Variants in CEP170B observed in about 807,000 individuals in gnomAD.
CEP170B encodes the protein centrosomal protein 170B.
CEP170B carries 55 observed loss-of-function variants against 120.6 expected under a neutral mutation model. That is an observed-to-expected ratio of 0.46 (90% confidence interval 0.37 to 0.57). CEP170B has a LOEUF of 0.57. CEP170B is among the 20% of genes least tolerant of loss of function. The pLI, the probability that CEP170B is intolerant of heterozygous loss-of-function variation, is 0.00. For synonymous variants in CEP170B, 1,033 were observed against 954.5 expected (o/e 1.08, Z -1.52); for missense variants, 2,212 against 2,253.3 (o/e 0.98, Z 0.37).
intron 13 of CEP170B, among the ~76,000 whole-genome samples, chr14:104,892,441 ATCTGCCCAGCCCCACCC>A (rs11270835): frequency 0.065 from 9,861 of 151,790 alleles, 475 homozygotes; most frequent in African/African-American, 0.13. Flanking sequence ...CCCTCTCTGG[ATCTGCCCAGCCCCACCC>A]TCTGCCCAGC....
chr14:104,888,055 G>A, intron 12 of CEP170B, 77 bp downstream of exon 12: 2 of 1,389,706 alleles, frequency 1.4e-6, no homozygotes, highest in Non-Finnish European at 1.9e-6. Flanking sequence ...GATGCCAGCT[G>A]AGTGCTGGCC....
intron 13 of CEP170B, 136 bp downstream of exon 13, chr14:104,889,894 A>C (rs1053984586): frequency 3.5e-5 from 27 of 762,848 alleles, no homozygotes; most frequent in East Asian, 1.8e-4. Context: ...GGCTGGCTGG[A>C]TGGATGGACA....
At chr14:104,881,683 C>A (rs556087584) in intron 6 of CEP170B, among the ~76,000 whole-genome samples, 1 of 152,134 alleles carries the variant, frequency 6.6e-6, no homozygotes, top group African/African-American at 2.4e-5. Context: ...TCCGTTAGAG[C>A]GAGGGCAGCA....
intron 2 of CEP170B, among the ~76,000 whole-genome samples, chr14:104,875,788 G>A (rs1595320503): frequency 6.6e-6 from 1 of 152,202 alleles, no homozygotes; most frequent in Non-Finnish European, 1.5e-5. Context: ...GTCCTGGGTG[G>A]GCTAGTGGCC....
At position 104,891,743 on chromosome 14, in the gene CEP170B, G is replaced by A. The variant is rs1896863235; in HGVS notation, c.3879-1233G>A. Among the ~76,000 whole-genome samples, 1 of 152,102 alleles carries A rather than the reference G, an allele frequency of 6.6e-6. No homozygotes were observed. ...TTTCTGGAGTTCTCTGCCTTCCATG[G>A]TGGGTGAGCTGGAGCATGCCATATG... On this transcript the variant is annotated intron_variant, in intron 13 of 18. Coordinates refer to ENST00000414716, the MANE Select transcript of CEP170B (RefSeq NM_001112726.3). This position sits in a 1 kb window ranked among gnomAD's most constrained non-coding sequence, Gnocchi z 4.3.
rs768674837 is a variant in CEP170B, at chr14:104,893,627, C to T, written c.4143C>T (p.Asp1381=). 1.6e-5 allele frequency: 25 copies of T among 1,596,708 alleles called. No homozygotes were observed. The highest frequency in any genetic ancestry group is 1.7e-4 in the Middle Eastern group (1 of 6,038). Residue 1381 remains aspartate, a synonymous_variant, in exon 15 of 19, where the codon GAC becomes GAT. Coordinates refer to ENST00000414716, the MANE Select transcript of CEP170B (RefSeq NM_001112726.3). ...AGAACATGAACGACAGCTGTGAGGA[C>T]GCCCTGGCCAACAAGACGCGGCCTC... ...FDQNMNDSCE[D]ALANKTRPRN...
Position 104,889,834 on chromosome 14 carries a change from C to T in CEP170B, c.3878+76C>T, listed in dbSNP as rs367554383. ...AGTGAGAGCACCCTGAGGGCAGGGA[C>T]CAGGCTGGGAGCTCCCTTCTTGAGT... On this transcript the variant is annotated intron_variant, in intron 13 of 18. Coordinates refer to ENST00000414716, the MANE Select transcript of CEP170B (RefSeq NM_001112726.3). 411 of 1,491,880 alleles carry T rather than the reference C, an allele frequency of 2.8e-4. 2 individuals are homozygous for T. In the African/African-American group the frequency reaches 5.2e-3, roughly 19 times the overall value. The allele number at this position is 1,491,880 out of a possible 1,614,324, so 92.4% of individuals were successfully genotyped here. A position where few individuals can be genotyped will look rare whatever the true frequency, so the allele number is the denominator to read the frequency against.
Position 104,889,674 on chromosome 14 carries a change from G to A in CEP170B, c.3794G>A (p.Gly1265Asp). 1.9e-6 allele frequency: 3 copies of A among 1,612,112 alleles called. No homozygotes were observed. Among genetic ancestry groups the A allele is most frequent in the Non-Finnish European group, 2.5e-6 (3 of 1,179,706 alleles). The change falls in exon 13 of 19, where the codon GGC becomes GAC. Residue 1265 changes from glycine to aspartate, a missense_variant. By Grantham distance (94) the Gly-to-Asp change is moderately conservative (BLOSUM62 -1). Coordinates refer to ENST00000414716, the MANE Select transcript of CEP170B (RefSeq NM_001112726.3). The stretch of plus-strand genomic sequence containing the variant: ...AGCCGGGCTCGTTCCCGGGCCCCCG[G>A]CCCCCGGGACACGGACGACGATGAG... ...SSSRARSRAP[G>D]PRDTDDDEEE...
At position 104,887,101 on chromosome 14, in the gene CEP170B, G is replaced by A. The variant is rs534659820; in HGVS notation, c.2862G>A (p.Ser954=). The A allele has an allele frequency of 5.0e-6, 8 of 1,611,230 alleles. No individual in the cohort carries two copies. Among genetic ancestry groups the A allele is most frequent in the East Asian group, 4.5e-5 (2 of 44,874 alleles). ...CGGAGGACGCCCTGTCTGGGGACTC[G>A]GACGTGGACACAGCCAGCACCGTCA... ...RPPEDALSGD[S]DVDTASTVSL... is the part of the protein sequence containing the mutation. The change falls in exon 12 of 19, where the codon TCG becomes TCA. Residue 954 remains serine (S), a synonymous_variant. Transcript: ENST00000414716.
At position 104,883,324 on chromosome 14, in the gene CEP170B, G is replaced by A; in HGVS notation, c.867G>A (p.Lys289=). ...TGAAGATCAAGGACCATATCACCAA[G>A]TTTTCCCTGCGCCAGCGGCGGCCCC... ...GKMKIKDHIT[K]FSLRQRRPPG... The change falls in exon 8 of 19, where the codon AAG becomes AAA. Residue 289 remains lysine (K), a synonymous_variant. Transcript: ENST00000414716. 6.2e-7 allele frequency: 1 copy of A among 1,612,098 alleles called. No individual in the cohort carries two copies. The highest frequency in any genetic ancestry group is 1.1e-5 in the South Asian group (1 of 90,988).
At chr14:104,879,736 C>A (rs1043174643) in intron 5 of CEP170B, among the ~76,000 whole-genome samples, 5 of 152,176 alleles carry the variant, frequency 3.3e-5, no homozygotes, top group Non-Finnish European at 5.9e-5. Flanking sequence ...CCCCGGTGTG[C>A]TGGCGACACG....
chr14:104,895,167 A>G lies in CEP170B; in HGVS notation c.*209A>G. On this transcript the variant is annotated 3_prime_UTR_variant, in exon 19 of 19. Coordinates refer to ENST00000414716, the MANE Select transcript of CEP170B (RefSeq NM_001112726.3). ...CCTGTCCAGCCCCATGGCCACCCCC[A>G]CCCCTGCCTCGCCCCCTACAGGCCT... 1 of 493,010 alleles carries G rather than the reference A, an allele frequency of 2.0e-6. No homozygotes were observed. Among genetic ancestry groups the G allele is most frequent in the Middle Eastern group, 5.2e-4 (1 of 1,932 alleles). 30.5% of individuals were successfully genotyped at this position (493,010 alleles called of 1,614,324 possible).
chr14:104,872,393 G>A lies in CEP170B; in HGVS notation c.105+3838G>A, dbSNP rs1254168837. Among the ~76,000 whole-genome samples, 339 of 102,950 alleles carry A rather than the reference G, an allele frequency of 3.3e-3. 19 individuals are homozygous for A. The highest frequency in any genetic ancestry group is 7.5e-3 in the African/African-American group (239 of 31,730). The allele number at this position is 102,950 out of a possible 152,430, so 67.5% of individuals were successfully genotyped here. A position where few individuals can be genotyped will look rare whatever the true frequency, so the allele number is the denominator to read the frequency against. On this transcript the variant is annotated intron_variant, in intron 2 of 18. Transcript: ENST00000414716. The stretch of plus-strand genomic sequence containing the variant: ...TGTGCCATGGGTGTGCATGTGTGCC[G>A]TGGGTGTGCGTGGGTGTGCCGTGGG...
At position 104,893,639 on chromosome 14, in the gene CEP170B, C is replaced by A. The variant is rs1398765329; in HGVS notation, c.4155C>A (p.Asn1385Lys). The A allele has an allele frequency of 1.3e-6, 2 of 1,593,210 alleles. No individual in the cohort carries two copies. Among genetic ancestry groups the A allele is most frequent in the Non-Finnish European group, 1.7e-6 (2 of 1,171,060 alleles). ...ACAGCTGTGAGGACGCCCTGGCCAA[C>A]AAGACGCGGCCTCGGAACCGAGAGG... Reference protein sequence around the residue: ...MNDSCEDALANKTRPRNREEV... With the variant: ...MNDSCEDALAKKTRPRNREEV... The change falls in exon 15 of 19, where the codon AAC becomes AAA. Residue 1385 changes from asparagine to lysine, a missense_variant. Transcript: ENST00000414716.
Position 104,886,566 on chromosome 14 carries a change from G to C in CEP170B, c.2327G>C (p.Gly776Ala). ...AGCAGACGCAGGAGCCCCCAGGAGG[G>C]GCCCACGTGGAGCAGGGGTCGGCGC... ...QDSRRRSPQE[G>A]PTWSRGRRSP... is the part of the protein sequence containing the mutation. Residue 776 changes from glycine to alanine, a missense_variant, in exon 12 of 19, where the codon GGG (glycine) becomes GCG (alanine). Transcript: ENST00000414716. 1 of 1,510,298 alleles carries C rather than the reference G, an allele frequency of 6.6e-7. No homozygotes were observed. The highest frequency in any genetic ancestry group is 8.8e-7 in the Non-Finnish European group (1 of 1,133,178). 93.6% of individuals were successfully genotyped at this position (1,510,298 alleles called of 1,614,324 possible).
In CEP170B at chr14:104,868,654, G is replaced by A. The variant is rs892635161; in HGVS notation, c.105+99G>A. ...CACCCCACTTGCTGCAGGCCACCCT[G>A]GCGAGGAGGCCGCCATGCAGCCCAG... On this transcript the variant is annotated intron_variant, in intron 2 of 18. Transcript: ENST00000414716. This position sits in a 1 kb window ranked among gnomAD's most constrained non-coding sequence, Gnocchi z 5.9. 3 of 1,168,672 alleles carry A rather than the reference G, an allele frequency of 2.6e-6. No homozygotes were observed. The African/African-American group carries it at 4.6e-5, about 18-fold the overall frequency. The allele number at this position is 1,168,672 out of a possible 1,614,324, so 72.4% of individuals were successfully genotyped here. A position where few individuals can be genotyped will look rare whatever the true frequency, so the allele number is the denominator to read the frequency against.
chr14:104,892,685 G>A (rs1426731879), intron 13 of CEP170B, among the ~76,000 whole-genome samples: 1 of 152,234 alleles, frequency 6.6e-6, no homozygotes, highest in African/African-American at 2.4e-5. Context: ...GGTGTGGCCT[G>A]CCCCAGAGCC....
In CEP170B at chr14:104,887,800, G is replaced by C. The variant is rs1896605161; in HGVS notation, c.3561G>C (p.Glu1187Asp). The C allele has an allele frequency of 2.5e-6, 4 of 1,586,860 alleles. No homozygotes were observed. Among genetic ancestry groups the C allele is most frequent in the Non-Finnish European group, 3.4e-6 (4 of 1,169,258 alleles). ...AGSFTGTSDP[E>D]AAPARTSFSG... Reference sequence around the variant, plus strand: ...CCTTCACAGGGACTAGTGACCCCGAGGCAGCCCCTGCCCGCACCAGCTTCT... The same window carrying C: ...CCTTCACAGGGACTAGTGACCCCGACGCAGCCCCTGCCCGCACCAGCTTCT... Residue 1187 changes from glutamate (E) to aspartate (D), a missense_variant, in exon 12 of 19, where the codon GAG becomes GAC. Glu to Asp is a conservative substitution (Grantham distance 45). Transcript: ENST00000414716.
In CEP170B at chr14:104,892,975, G is replaced by A; in HGVS notation, c.3879-1G>A. On this transcript the variant is annotated splice_acceptor_variant, in intron 13 of 18. Transcript: ENST00000414716. LOFTEE classifies it high-confidence loss of function. ...CCTGCCGTCTTTCCTGCCGGCTGCAGGCTGAGCCAGACGCTGGTGAAGGAC... is the reference window on the plus strand; with the variant it reads ...CCTGCCGTCTTTCCTGCCGGCTGCAAGCTGAGCCAGACGCTGGTGAAGGAC... 6.4e-7 allele frequency: 1 copy of A among 1,561,598 alleles called. No individual in the cohort carries two copies. The highest frequency in any genetic ancestry group is 8.7e-7 in the Non-Finnish European group (1 of 1,153,802).
Sources: allele counts gnomAD v4.1 joint callset (sites outside exome capture counted in the v4.1 genomes callset), GRCh38; gene constraint gnomAD v4.1.1; non-coding constraint Gnocchi (gnomAD v3.1); transcripts MANE v1.5; gene names NCBI Gene and HGNC (gene_info 2026-07-23, HGNC 2026-07-21).